Variants in CDH13 observed in about 807,000 individuals in gnomAD.
CDH13 encodes the protein cadherin 13.
In CDH13, 24 loss-of-function variants were observed where a neutral mutation model predicts 63.8. The observed-to-expected ratio is 0.38, with a 90% confidence interval of 0.27 to 0.53. CDH13 has a LOEUF of 0.53. Among genes scored for constraint, CDH13 ranks in the 20% least tolerant of loss-of-function variants. The probability of loss-of-function intolerance (pLI) is 0.85; values close to 1 mark genes in which losing one functional copy is unlikely to be tolerated. For missense variants in CDH13, 1,049 were observed against 903.1 expected (o/e 1.16, Z -2.07); for synonymous variants, 503 against 355.3 (o/e 1.42, Z -4.67).
At chr16:82,868,567 G>T (rs181704074) in intron 2 of CDH13, among the ~76,000 whole-genome samples, 2 of 152,164 alleles carry the variant, frequency 1.3e-5, no homozygotes, top group Non-Finnish European at 2.9e-5. Flanking sequence ...AGAAGTAACA[G>T]AGTGAGAAGG....
intron 10 of CDH13, among the ~76,000 whole-genome samples, chr16:83,715,666 G>C (rs1188169742): frequency 1.3e-5 from 2 of 149,070 alleles, no homozygotes; most frequent in Admixed American, 6.7e-5. Flanking sequence ...CAGGCAGGCG[G>C]GTCCCTCAGG....
chr16:83,623,724 G>C (rs1041442550), intron 8 of CDH13, among the ~76,000 whole-genome samples: 2 of 152,144 alleles, frequency 1.3e-5, no homozygotes, highest in East Asian at 1.9e-4. Flanking sequence ...ATGGGCACTG[G>C]ACCCTGTGGC....
intron 6 of CDH13, among the ~76,000 whole-genome samples, chr16:83,364,965 G>T (rs140335589): frequency 3.3e-5 from 5 of 152,140 alleles, no homozygotes; most frequent in Non-Finnish European, 5.9e-5. Flanking sequence ...TAAGGCATGC[G>T]GGGCTTAAAA....
intron 5 of CDH13, among the ~76,000 whole-genome samples, chr16:83,252,031 G>A (rs1354112903): frequency 6.7e-6 from 1 of 150,232 alleles, no homozygotes; most frequent in Admixed American, 6.7e-5. Flanking sequence ...TAAGCTCCGA[G>A]ATTATCCCAG....
chr16:82,683,408 A>G (rs1914752901), intron 1 of CDH13, among the ~76,000 whole-genome samples: 1 of 152,204 alleles, frequency 6.6e-6, no homozygotes, highest in Non-Finnish European at 1.5e-5. Flanking sequence ...CAAAGTGGCC[A>G]TGCCATGAAT....
chr16:83,470,767 TAGAC>T (rs2073433255), intron 6 of CDH13, among the ~76,000 whole-genome samples: 1 of 152,200 alleles, frequency 6.6e-6, no homozygotes, highest in African/African-American at 2.4e-5. Context: ...CCCAATAAAA[TAGAC>T]ACCGCTAGTA....
chr16:82,768,025 C>G (rs1379136448), intron 1 of CDH13, among the ~76,000 whole-genome samples: 1 of 151,958 alleles, frequency 6.6e-6, no homozygotes, highest in East Asian at 1.9e-4. Flanking sequence ...CATGGGCGTG[C>G]CTTGGGTTGA....
chr16:82,849,281 A>C (rs904743363), intron 1 of CDH13, among the ~76,000 whole-genome samples: 1 of 152,128 alleles, frequency 6.6e-6, no homozygotes. Flanking sequence ...AAGCAGGTGG[A>C]TCACGAGGTC....
chr16:83,008,474 G>C (rs1913777755), intron 2 of CDH13, among the ~76,000 whole-genome samples: 2 of 152,214 alleles, frequency 1.3e-5, no homozygotes, highest in African/African-American at 4.8e-5. Flanking sequence ...GTGGGGCCGA[G>C]TGACTGAGTG....
At chr16:83,195,463 G>A (rs1022895367) in intron 4 of CDH13, among the ~76,000 whole-genome samples, 1 of 152,140 alleles carries the variant, frequency 6.6e-6, no homozygotes, top group Non-Finnish European at 1.5e-5. Flanking sequence ...AGGCAAAGTG[G>A]GAGCAGGTGT....
rs1444675365 is a variant in CDH13 at position 83,330,277 on chromosome 16, T to G, written c.637-14585T>G. 2.0e-5 allele frequency among the ~76,000 whole-genome samples: 3 copies of G among 152,226 alleles called. No individual in the cohort carries two copies. The South Asian group carries it at 6.2e-4, about 31-fold the overall frequency. On this transcript the variant is annotated intron_variant, in intron 5 of 13. Transcript: ENST00000567109. ...AATCTGGATACCAGAATTGTATAAA[T>G]GCCAATATCCTGCTTGTGATACTGT... is the stretch of plus-strand genomic sequence containing the variant.
chr16:82,818,712 T>C (rs2037849479), intron 1 of CDH13, among the ~76,000 whole-genome samples: 1 of 152,176 alleles, frequency 6.6e-6, no homozygotes, highest in African/African-American at 2.4e-5. Flanking sequence ...GCAGTGACGG[T>C]GCCTCACATC....
intron 2 of CDH13, among the ~76,000 whole-genome samples, chr16:82,964,139 G>A (rs1486560041): frequency 8.5e-5 from 13 of 152,158 alleles, no homozygotes; most frequent in Admixed American, 8.5e-4. Context: ...GGAGATCACT[G>A]AGATCTCATA....
intron 7 of CDH13, among the ~76,000 whole-genome samples, chr16:83,519,274 C>A (rs4782809): frequency 6.6e-6 from 1 of 151,942 alleles, no homozygotes; most frequent in Non-Finnish European, 1.5e-5. Flanking sequence ...CCTGTTTCCG[C>A]CCTAGCATTG....
intron 4 of CDH13, among the ~76,000 whole-genome samples, chr16:83,216,567 G>A (rs2039538035): frequency 7.1e-6 from 1 of 141,258 alleles, no homozygotes; most frequent in Non-Finnish European, 1.5e-5. Flanking sequence ...TATATAATAT[G>A]TAGGGTTTAA....
chr16:82,792,702 G>A (rs888110061), intron 1 of CDH13, among the ~76,000 whole-genome samples: 21 of 152,166 alleles, frequency 1.4e-4, no homozygotes, highest in African/African-American at 4.8e-4. Flanking sequence ...TACTCAGAAG[G>A]CCTTTATTTA....
chr16:83,469,210 A>C (rs941817315), intron 6 of CDH13, among the ~76,000 whole-genome samples: 1 of 152,114 alleles, frequency 6.6e-6, no homozygotes, highest in African/African-American at 2.4e-5. Flanking sequence ...TTTCAGCTTG[A>C]CTTGCAAATA....
rs73591741 is a variant in CDH13, at chr16:83,630,598, G to A, written c.1101+28004G>A. Among the ~76,000 whole-genome samples, 594 of 152,288 alleles carry A rather than the reference G, an allele frequency of 3.9e-3. 3 individuals carry two copies. The highest frequency in any genetic ancestry group is 0.014 in the African/African-American group (564 of 41,572). ...CACTTATGTCTTAGTCTAGCTCAGT[G>A]AATCTGCATTTTTACGTAAACAATC... On this transcript the variant is annotated intron_variant, in intron 8 of 13. Transcript: ENST00000567109.
intron 1 of CDH13, among the ~76,000 whole-genome samples, chr16:82,664,082 C>G (rs982130828): frequency 5.3e-5 from 8 of 152,206 alleles, no homozygotes; most frequent in African/African-American, 7.2e-5. Flanking sequence ...TCGTCCCTAC[C>G]TCATAGGGTG....
Sources: gnomAD v4.1 joint callset for allele counts (sites outside exome capture counted in the v4.1 genomes callset) on GRCh38, gnomAD v4.1.1 for gene constraint, MANE v1.5 for transcripts, NCBI Gene and HGNC (gene_info 2026-07-23, HGNC 2026-07-21) for gene names.